Variants in HIVEP1 observed in about 807,000 individuals in gnomAD.
HIVEP1 encodes HIVEP zinc finger 1, also known as zinc finger protein 40.
HIVEP1 carries 36 observed loss-of-function variants against 180.0 expected under a neutral mutation model. That is an observed-to-expected ratio of 0.20 (90% CI 0.15 to 0.26). The LOEUF is 0.26. Among genes scored for constraint, HIVEP1 ranks in the 10% least tolerant of loss-of-function variants. The probability of loss-of-function intolerance (pLI) is 1.00; values close to 1 mark genes in which losing one functional copy is unlikely to be tolerated. For missense variants in HIVEP1, 3,143 were observed against 3,268.7 expected, an observed-to-expected ratio of 0.96 and a Z score of 0.94; for synonymous variants, 1,239 against 1,239.0, an observed-to-expected ratio of 1.00 and a Z score of 0.00.
chr6:12,129,000 C>A (rs1214839694), intron 4 of HIVEP1, among the ~76,000 whole-genome samples: 2 of 152,088 alleles, frequency 1.3e-5, no homozygotes, highest in Non-Finnish European at 2.9e-5. Context: ...CACTTGAGGT[C>A]AGGAGTATAA....
chr6:12,130,861 A>C lies in HIVEP1; in HGVS notation c.6304A>C (p.Met2102Leu). The C allele has an allele frequency of 1.2e-6, 2 of 1,613,054 alleles. No individual in the cohort carries two copies. Among genetic ancestry groups the C allele is most frequent in the Non-Finnish European group, 1.7e-6 (2 of 1,179,026 alleles). ...TGGAATACGTTGTAAGAAACCTAGC[A>C]TGTTAAAGAAACACATACGAACCCA... ...ECGIRCKKPS[M>L]LKKHIRTHTD... Residue 2102 changes from methionine to leucine, a missense_variant, in exon 6 of 9, where the codon ATG (methionine) becomes CTG (leucine). By Grantham distance (15) the Met-to-Leu change is conservative (BLOSUM62 2). Around this residue, in one of 12 missense-constraint regions of HIVEP1, gnomAD observed 126 missense variants for 168.5 expected, o/e 0.75. Transcript: ENST00000379388.
intron 2 of HIVEP1, among the ~76,000 whole-genome samples, chr6:12,031,743 T>A (rs1487624753): frequency 6.6e-6 from 1 of 152,176 alleles, no homozygotes; most frequent in Non-Finnish European, 1.5e-5. Flanking sequence ...TATACGGCTT[T>A]GGGTGATTGC....
chr6:12,152,505 G>A (rs1039492750), intron 7 of HIVEP1, among the ~76,000 whole-genome samples: 14 of 152,094 alleles, frequency 9.2e-5, no homozygotes, highest in Non-Finnish European at 1.6e-4. Context: ...GCTTTGTTTT[G>A]GTGCCATGGA....
chr6:12,040,197 C>G (rs1174988919), intron 2 of HIVEP1, among the ~76,000 whole-genome samples: 1 of 152,106 alleles, frequency 6.6e-6, no homozygotes, highest in East Asian at 1.9e-4. Flanking sequence ...GTCTTTTGAT[C>G]CAGGAGTTAA....
downstream of HIVEP1, among the ~76,000 whole-genome samples, chr6:12,167,961 T>C (rs868644997): frequency 2.8e-4 from 13 of 46,176 alleles, no homozygotes; most frequent in East Asian, 1.8e-3. Context: ...TGTATATATG[T>C]ATATATTATA....
chr6:12,033,132 G>T (rs1769065151), intron 2 of HIVEP1, among the ~76,000 whole-genome samples: 1 of 152,164 alleles, frequency 6.6e-6, no homozygotes, highest in Non-Finnish European at 1.5e-5. Context: ...TAACACTTTA[G>T]TATAAAAGAG....
intron 2 of HIVEP1, among the ~76,000 whole-genome samples, chr6:12,054,777 A>G (rs1323650378): frequency 6.6e-6 from 1 of 152,108 alleles, no homozygotes; most frequent in African/African-American, 2.4e-5. Context: ...ATATTATTTG[A>G]TGTTGTGCTT....
At chr6:12,042,361 G>A (rs1313046836) in intron 2 of HIVEP1, among the ~76,000 whole-genome samples, 8 of 145,286 alleles carry the variant, frequency 5.5e-5, no homozygotes, top group South Asian at 2.2e-4. Flanking sequence ...GATTACAGGC[G>A]TGAGCCACCG....
At chr6:12,094,431 G>GT (rs1387985435) in intron 3 of HIVEP1, among the ~76,000 whole-genome samples, 1 of 151,860 alleles carries the variant, frequency 6.6e-6, no homozygotes, top group Non-Finnish European at 1.5e-5. Context: ...CCATTAAAAT[G>GT]TTTGCTATCT....
At chr6:12,167,082 C>T (rs911981917), downstream of HIVEP1, among the ~76,000 whole-genome samples, 12 of 152,064 alleles carry the variant, frequency 7.9e-5, no homozygotes, top group East Asian at 2.3e-3. Context: ...GATAATTAAC[C>T]GATGGTATTG....
chr6:12,069,410 A>G (rs1771815160), intron 2 of HIVEP1, among the ~76,000 whole-genome samples: 1 of 152,068 alleles, frequency 6.6e-6, no homozygotes, highest in African/African-American at 2.4e-5. Context: ...GGCCTAGGAC[A>G]TTACTGCACG....
Position 12,097,724 on chromosome 6 carries a change from C to T in HIVEP1, c.94+8487C>T, listed in dbSNP as rs186307795. ...TTGAGAAATTTGAAAATCCCAAATCCCAAGAGATCATTGCCTTTCAGATAG... is the reference window on the plus strand; with the variant it reads ...TTGAGAAATTTGAAAATCCCAAATCTCAAGAGATCATTGCCTTTCAGATAG... On this transcript the variant is annotated intron_variant, in intron 3 of 8. Transcript: ENST00000379388. Among the ~76,000 whole-genome samples, 254 of 152,002 alleles carry T rather than the reference C, an allele frequency of 1.7e-3. 1 individual carries two copies. Among genetic ancestry groups the T allele is most frequent in the Middle Eastern group, 6.8e-3 (2 of 294 alleles).
At position 12,036,182 on chromosome 6, in the gene HIVEP1, CT is replaced by C. The variant is rs1769264774; in HGVS notation, c.40+20515del. Among the ~76,000 whole-genome samples the C allele has an allele frequency of 2.0e-5, 3 of 152,288 alleles. No individual in the cohort carries two copies. The South Asian group carries it at 6.2e-4, about 32-fold the overall frequency. ...AATTTATCCTAAGGAAATAATTCAG[CT>C]GAAGCAAAAAGATATTTGTTCAAAG... On this transcript the variant is annotated intron_variant, in intron 2 of 8. Transcript: ENST00000379388.
At position 12,124,445 on chromosome 6, in the gene HIVEP1, T is replaced by C. The variant is rs1348100855; in HGVS notation, c.4650T>C (p.Ser1550=). Residue 1550 remains serine (S), a synonymous_variant, in exon 4 of 9, where the codon TCT becomes TCC. Transcript: ENST00000379388. Reference sequence around the variant, plus strand: ...AAAATTCTGTTTTATCTGGGTCTTCTAAAAGTGAGGATTGCTTTGCTCCCA... The same window carrying C: ...AAAATTCTGTTTTATCTGGGTCTTCCAAAAGTGAGGATTGCTTTGCTCCCA... ...PDKNSVLSGS[S]KSEDCFAPKY... is the part of the protein sequence containing the mutation. 1 of 1,614,182 alleles carries C rather than the reference T, an allele frequency of 6.2e-7. No individual in the cohort carries two copies. The highest frequency in any genetic ancestry group is 8.5e-7 in the Non-Finnish European group (1 of 1,180,026).
chr6:12,191,221 C>A, the HIVEP1 span, among the ~76,000 whole-genome samples: 1 of 152,130 alleles, frequency 6.6e-6, no homozygotes, highest in African/African-American at 2.4e-5. Flanking sequence ...ACAGAGCAAC[C>A]ACACTTGTTT....
At chr6:12,059,841 A>G (rs1190521486) in intron 2 of HIVEP1, among the ~76,000 whole-genome samples, 1 of 152,194 alleles carries the variant, frequency 6.6e-6, no homozygotes, top group Non-Finnish European at 1.5e-5. Flanking sequence ...ACTGTAGGGT[A>G]CGTAGCACAT....
At position 12,122,594 on chromosome 6, in the gene HIVEP1, G is replaced by T. The variant is rs1203423943; in HGVS notation, c.2799G>T (p.Met933Ile). 1.2e-6 allele frequency: 2 copies of T among 1,614,236 alleles called. No homozygotes were observed. The highest frequency in any genetic ancestry group is 2.2e-5 in the South Asian group (2 of 91,090). Residue 933 changes from methionine (M) to isoleucine (I), a missense_variant, in exon 4 of 9, where the codon ATG (methionine) becomes ATT (isoleucine). Physicochemically the swap from Met to Ile is conservative, Grantham distance 10. Coordinates refer to ENST00000379388, the MANE Select transcript of HIVEP1 (RefSeq NM_002114.4). Reference protein sequence around the residue: ...HQGCHAAGEAMSVRSKALAQG... With the variant: ...HQGCHAAGEAISVRSKALAQG... The stretch of plus-strand genomic sequence containing the variant: ...GATGCCATGCTGCTGGTGAAGCCAT[G>T]TCAGTGAGGAGCAAGGCACTGGCAC...
chr6:12,034,017 A>G (rs975826751), intron 2 of HIVEP1, among the ~76,000 whole-genome samples: 3 of 152,240 alleles, frequency 2.0e-5, no homozygotes, highest in Non-Finnish European at 4.4e-5. Context: ...TTTTGTAGGC[A>G]GTCTCTTCAC....
intron 6 of HIVEP1, among the ~76,000 whole-genome samples, chr6:12,131,429 CT>C (rs35625775): frequency 6.6e-6 from 1 of 150,834 alleles, no homozygotes; most frequent in African/African-American, 2.4e-5. Flanking sequence ...TTTCACAATG[CT>C]TTTTTTTACA....
Sources: allele counts gnomAD v4.1 joint callset (sites outside exome capture counted in the v4.1 genomes callset), GRCh38; gene constraint gnomAD v4.1.1; regional missense constraint gnomAD v4.1.1; transcripts MANE v1.5; gene names NCBI Gene and HGNC (gene_info 2026-07-23, HGNC 2026-07-21).